F8: variants seen among roughly 807,000 people sequenced by gnomAD.
The protein encoded by F8 is antihemophilic factor.
A neutral mutation model predicts 140.6 loss-of-function variants in F8; 12 were observed. The ratio of observed to expected loss-of-function variants is 0.09; its 90% confidence interval spans 0.05 to 0.14. The LOEUF is 0.14. Ranked by LOEUF, F8 falls within the 10% of genes least tolerant of loss-of-function variation. F8 has a pLI of 1.00. For missense variants in F8, 1,354 were observed against 1,720.7 expected (o/e 0.79, Z 3.77); for synonymous variants, 585 against 614.6 (o/e 0.95, Z 0.71).
intron 6 of F8, among the ~76,000 whole-genome samples, chrX:154,977,133 CAACTT>C (rs1229801276): frequency 9.0e-6 from 1 of 110,941 alleles, no homozygotes; most frequent in Non-Finnish European, 1.9e-5. Flanking sequence ...GAACTGATAA[CAACTT>C]AATTTTGATT....
At chrX:154,845,262 TTG>T (rs2072556222) in intron 25 of F8, among the ~76,000 whole-genome samples, 1 of 111,744 alleles carries the variant, frequency 8.9e-6, no homozygotes, top group South Asian at 3.7e-4. Context: ...TCTTTTTTTG[TTG>T]TTTCTCTGCC....
Position 154,998,952 on chromosome X carries a change from C to T in F8, c.265+527G>A, listed in dbSNP as rs1256669620. ...TGAAGCCTCCTTCATTATACCTTGA[C>T]ATGAGGGACAGGCCTCCCACTCCCC... On this transcript the variant is annotated intron_variant, in intron 2 of 25. Transcript: ENST00000360256. Among the ~76,000 whole-genome samples, 4 of 111,547 alleles carry T rather than the reference C, an allele frequency of 3.6e-5. No homozygotes were observed. The Admixed American group carries it at 3.8e-4, about 11-fold the overall frequency.
intron 1 of F8, among the ~76,000 whole-genome samples, chrX:155,008,543 T>C (rs1184286024): frequency 4.5e-5 from 5 of 111,883 alleles, no homozygotes; most frequent in Non-Finnish European, 7.5e-5. Flanking sequence ...CACGACGACC[T>C]GGAGCTGAGC....
At chrX:154,969,613 T>G (rs1340185827) in intron 6 of F8, 61 bp from the exon 7 acceptor site, 1 of 1,005,451 alleles carries the variant, frequency 9.9e-7, no homozygotes, top group Non-Finnish European at 1.4e-6. Flanking sequence ...TGGAAAACAC[T>G]TGCTAGGACA....
intron 23 of F8, among the ~76,000 whole-genome samples, chrX:154,862,171 C>T (rs28370228): frequency 0.032 from 3,550 of 110,357 alleles, 124 homozygotes; most frequent in African/African-American, 0.11. Context: ...GGACTACAGG[C>T]GCACACCACC....
chrX:154,945,279 C>A (rs1046995095), intron 13 of F8, among the ~76,000 whole-genome samples: 1 of 111,224 alleles, frequency 9.0e-6, no homozygotes, highest in Admixed American at 9.6e-5. Context: ...GAAACCAAAC[C>A]AGACAAAGAC....
At chrX:154,932,645 T>C (rs1179213292) in intron 13 of F8, among the ~76,000 whole-genome samples, 4 of 111,413 alleles carry the variant, frequency 3.6e-5, no homozygotes, top group Admixed American at 2.9e-4. Flanking sequence ...ATATAAAGAC[T>C]CAGAAAATCT....
At chrX:154,904,242 T>A in intron 17 of F8, 54 bp downstream of exon 17, 1 of 1,122,262 alleles carries the variant, frequency 8.9e-7, no homozygotes, top group Admixed American at 2.2e-5. Context: ...GTCTCATTTG[T>A]CAAAGTGCAA....
At chrX:154,845,135 A>T (rs1239755699) in intron 25 of F8, among the ~76,000 whole-genome samples, 1 of 111,887 alleles carries the variant, frequency 8.9e-6, no homozygotes, top group African/African-American at 3.3e-5. Context: ...CATCCCAGAG[A>T]TGAAGCCCAC....
At chrX:154,913,306 T>C (rs1557276882) in intron 14 of F8, among the ~76,000 whole-genome samples, 1 of 111,145 alleles carries the variant, frequency 9.0e-6, no homozygotes, top group Non-Finnish European at 1.9e-5. Flanking sequence ...ACAAACAATA[T>C]ACTACAATTC....
chrX:155,018,348 C>T (rs1195471681), intron 1 of F8, among the ~76,000 whole-genome samples: 4 of 111,782 alleles, frequency 3.6e-5, no homozygotes, highest in Non-Finnish European at 7.5e-5. Context: ...CATGTTTTCC[C>T]ATCAGACAAA....
rs138903905 is a variant in F8, at chrX:155,003,300, G to A, written c.144-3700C>T. Among the ~76,000 whole-genome samples the A allele has an allele frequency of 1.6e-3, 182 of 111,195 alleles. No homozygotes were observed. The East Asian group carries it at 0.025, about 15-fold the overall frequency. ...TGCTAGAGATCAAAACACTGTAACA[G>A]AGATGAAGAATGTCTTTGATGGGCT... On this transcript the variant is annotated intron_variant, in intron 1 of 25. Transcript: ENST00000360256.
intron 4 of F8, 28 bp downstream of exon 4, chrX:154,992,908 T>C: frequency 1.7e-6 from 2 of 1,162,589 alleles, no homozygotes; most frequent in Non-Finnish European, 2.4e-6. Context: ...GCTTATTTCA[T>C]CTCAATCCTA....
intron 10 of F8, among the ~76,000 whole-genome samples, chrX:154,958,068 T>G (rs782030452): frequency 9.0e-6 from 1 of 111,087 alleles, no homozygotes; most frequent in Non-Finnish European, 1.9e-5. Context: ...TATTTGGTCA[T>G]CAATGTTCTC....
chrX:154,975,555 C>T (rs2073480631), intron 6 of F8, among the ~76,000 whole-genome samples: 1 of 112,155 alleles, frequency 8.9e-6, no homozygotes, highest in South Asian at 3.7e-4. Flanking sequence ...ATGGAATGTT[C>T]CGTAAATGTC....
At chrX:154,909,628 G>A (rs188845746) in intron 14 of F8, 4 of 114,887 alleles carry the variant, frequency 3.5e-5, no homozygotes, top group Non-Finnish European at 5.5e-5. Context: ...GGGTCTGCCC[G>A]TTCTTAAAGA....
At chrX:154,839,577 T>C (rs956335672) in intron 25 of F8, among the ~76,000 whole-genome samples, 4 of 110,372 alleles carry the variant, frequency 3.6e-5, no homozygotes, top group Non-Finnish European at 7.6e-5. Flanking sequence ...TTAGCCAGGA[T>C]GGTCTTGATC....
At chrX:155,005,905 G>C (rs1385788954) in intron 1 of F8, among the ~76,000 whole-genome samples, 1 of 111,393 alleles carries the variant, frequency 9.0e-6, no homozygotes, top group Non-Finnish European at 1.9e-5. Context: ...CTGTGGGACT[G>C]ACCTTTATTC....
intron 1 of F8, among the ~76,000 whole-genome samples, chrX:155,009,430 T>C (rs2073694852): frequency 9.0e-6 from 1 of 111,495 alleles, no homozygotes; most frequent in African/African-American, 3.3e-5. Context: ...CCACAGTGCT[T>C]TCACTTTAAA....
Sources: allele counts gnomAD v4.1 joint callset (sites outside exome capture counted in the v4.1 genomes callset), GRCh38; gene constraint gnomAD v4.1.1; transcripts MANE v1.5; gene names NCBI Gene and HGNC (gene_info 2026-07-23, HGNC 2026-07-21).